Variants in ESYT2 observed in about 807,000 individuals in gnomAD.
ESYT2 encodes extended synaptotagmin-2.
ESYT2 carries 54 observed loss-of-function variants against 107.2 expected under a neutral mutation model. The ratio of observed to expected loss-of-function variants is 0.50; its 90% confidence interval spans 0.40 to 0.63. The LOEUF (loss-of-function observed/expected upper bound fraction) is 0.63, where lower values mean the gene tolerates loss of function less well. Among genes scored for constraint, ESYT2 ranks in the 30% least tolerant of loss-of-function variants. ESYT2 has a pLI of 0.00. For synonymous variants in ESYT2, 491 were observed against 434.1 expected (o/e 1.13, Z -1.63); for missense variants, 1,020 against 1,094.5 (o/e 0.93, Z 0.96).
At chr7:158,803,410 T>A (rs977787391) in intron 1 of ESYT2, among the ~76,000 whole-genome samples, 3 of 152,120 alleles carry the variant, frequency 2.0e-5, no homozygotes, top group Admixed American at 6.5e-5. Flanking sequence ...TACATCACAA[T>A]AGAAATCGGA....
At position 158,789,231 on chromosome 7, in the gene ESYT2, T is replaced by A. The variant is rs1839202223; in HGVS notation, c.585-814A>T. 2.0e-5 allele frequency among the ~76,000 whole-genome samples: 3 copies of A among 152,346 alleles called. No individual in the cohort carries two copies. In the South Asian group the frequency reaches 6.2e-4, roughly 32 times the overall value. ...TCTTCCAATATTTATTGTCCTGGTG[T>A]TAAAGCCAATACCTACAGATTCCTC... On this transcript the variant is annotated intron_variant, in intron 4 of 22. Coordinates refer to ENST00000275418, the MANE Select transcript of ESYT2 (RefSeq NM_001367773.1).
intron 6 of ESYT2, among the ~76,000 whole-genome samples, chr7:158,779,586 G>C (rs1170201819): frequency 6.6e-6 from 1 of 152,084 alleles, no homozygotes. Context: ...ATAAGCCAAG[G>C]ACAGAATGAA....
At chr7:158,744,190 T>C (rs1012146608) in intron 16 of ESYT2, 1 of 152,512 alleles carries the variant, frequency 6.6e-6, no homozygotes, top group Non-Finnish European at 1.5e-5. Flanking sequence ...ATGATTAACA[T>C]GGTATGAAAT....
intron 1 of ESYT2, among the ~76,000 whole-genome samples, chr7:158,826,820 A>AAAT (rs35561929): frequency 2.1e-3 from 2 of 966 alleles, no homozygotes; most frequent in Non-Finnish European, 6.8e-3. Context: ...ATTCCGTCTC[A>AAAT]AAAAAAAAAA....
At position 158,788,641 on chromosome 7, in the gene ESYT2, CTCAA is replaced by C. The variant is rs74631470; in HGVS notation, c.585-228_585-225del. Among the ~76,000 whole-genome samples the C allele has an allele frequency of 5.5e-3, 844 of 152,248 alleles. 42 individuals are homozygous for C. In the East Asian group the frequency reaches 0.12, roughly 21 times the overall value. On this transcript the variant is annotated intron_variant, in intron 4 of 22. Coordinates refer to ENST00000275418, the MANE Select transcript of ESYT2 (RefSeq NM_001367773.1). ...CTGCTATGACGTTGGGAGGAATACTCTCAATCAATCAATCAATGGCTGTGGTTGT... is the reference window on the plus strand; with the variant it reads ...CTGCTATGACGTTGGGAGGAATACTCTCAATCAATCAATGGCTGTGGTTGT...
chr7:158,756,858 G>A (rs1256513424), intron 13 of ESYT2, among the ~76,000 whole-genome samples: 2 of 146,580 alleles, frequency 1.4e-5, no homozygotes, highest in African/African-American at 2.6e-5. Flanking sequence ...GCAGTGAGCC[G>A]AGACCATGCC....
rs1403145541 is a variant in ESYT2 at position 158,734,016 on chromosome 7, A to C, written c.*191T>G. ...AGGAACTGGCGAAATCCTAGAGGAA[A>C]TCCAACACAGAAAATTCAATGATAA... is the stretch of plus-strand genomic sequence containing the variant. On this transcript the variant is annotated 3_prime_UTR_variant, in exon 23 of 23. Transcript: ENST00000275418. 1.4e-5 allele frequency: 9 copies of C among 652,384 alleles called. No homozygotes were observed. 40.4% of individuals were successfully genotyped at this position (652,384 alleles called of 1,614,324 possible). A position where few individuals can be genotyped will look rare whatever the true frequency, so the allele number is the denominator to read the frequency against.
At chr7:158,752,437 A>C (rs1462080630) in intron 14 of ESYT2, among the ~76,000 whole-genome samples, 1 of 152,232 alleles carries the variant, frequency 6.6e-6, no homozygotes, top group Non-Finnish European at 1.5e-5. Context: ...TTAAGTCATG[A>C]TTTAAACATC....
chr7:158,783,054 G>A (rs1280970009), intron 6 of ESYT2, among the ~76,000 whole-genome samples: 1 of 152,172 alleles, frequency 6.6e-6, no homozygotes, highest in Non-Finnish European at 1.5e-5. Context: ...GCCTCAGGAT[G>A]CTGGGAGCCT....
In ESYT2 at chr7:158,798,646, C is replaced by CAAAAAAAAAAA. The variant is rs57351086; in HGVS notation, c.372+374_372+384dup. ...GGGCAACAAGAGTGAAGCTCCGTCT[C>CAAAAAAAAAAA]AAAAAAAAAAAAAAAAAAAAAAAAA... On this transcript the variant is annotated intron_variant, in intron 2 of 22. Transcript: ENST00000275418. Among the ~76,000 whole-genome samples the CAAAAAAAAAAA allele has an allele frequency of 1.9e-3, 93 of 49,864 alleles. 4 individuals are homozygous for CAAAAAAAAAAA. Among genetic ancestry groups the CAAAAAAAAAAA allele is most frequent in the Non-Finnish European group, 2.6e-3 (78 of 30,506 alleles). The allele number at this position is 49,864 out of a possible 152,430, so 32.7% of individuals were successfully genotyped here. A position where few individuals can be genotyped will look rare whatever the true frequency, so the allele number is the denominator to read the frequency against.
At chr7:158,790,743 A>G (rs1839261610) in intron 4 of ESYT2, among the ~76,000 whole-genome samples, 4 of 152,148 alleles carry the variant, frequency 2.6e-5, no homozygotes, top group African/African-American at 9.7e-5. Flanking sequence ...CCTGGCCAAC[A>G]AGGTGGAAAC....
chr7:158,782,857 A>G (rs1838961876), intron 6 of ESYT2, among the ~76,000 whole-genome samples: 1 of 147,978 alleles, frequency 6.8e-6, no homozygotes, highest in South Asian at 2.1e-4. Context: ...AGAACAAGTG[A>G]GAGAGAACGA....
At chr7:158,737,235 C>T in intron 19 of ESYT2, 56 bp from the exon 20 acceptor site, 3 of 1,572,472 alleles carry the variant, frequency 1.9e-6, no homozygotes, top group Non-Finnish European at 2.6e-6. Flanking sequence ...AGAGAATGAG[C>T]AGCACATTCA....
intron 1 of ESYT2, among the ~76,000 whole-genome samples, chr7:158,825,283 A>C (rs1235742953): frequency 6.6e-6 from 1 of 152,154 alleles, no homozygotes; most frequent in Non-Finnish European, 1.5e-5. Flanking sequence ...ACAGAGTGAG[A>C]CTCCGTCTCA....
chr7:158,822,154 A>G (rs1167232130), intron 1 of ESYT2, among the ~76,000 whole-genome samples: 1 of 152,244 alleles, frequency 6.6e-6, no homozygotes, highest in Admixed American at 6.5e-5. Flanking sequence ...CGTCATGAAA[A>G]CTAAAAAAGA....
intron 1 of ESYT2, among the ~76,000 whole-genome samples, chr7:158,820,648 T>C (rs764750578): frequency 9.2e-5 from 14 of 152,014 alleles, no homozygotes; most frequent in Non-Finnish European, 2.9e-5. Context: ...TAGTGAGACG[T>C]GGTGGCGCAT....
At chr7:158,736,107 G>A (rs1021023269) in intron 20 of ESYT2, among the ~76,000 whole-genome samples, 8 of 152,238 alleles carry the variant, frequency 5.3e-5, no homozygotes, top group Non-Finnish European at 1.0e-4. Context: ...GCACTAAAGT[G>A]CCTGCAGGGC....
Position 158,738,305 on chromosome 7 carries a change from C to CT in ESYT2, c.2267+717dup, listed in dbSNP as rs1392442667. On this transcript the variant is annotated intron_variant, in intron 19 of 22. Transcript: ENST00000275418. The stretch of plus-strand genomic sequence containing the variant: ...CCAGCCTGGGGGACAAAGTAAAACT[C>CT]TGTCTCCAAAAAAAAAAAAAAATAC... Among the ~76,000 whole-genome samples, 3 of 123,458 alleles carry CT rather than the reference C, an allele frequency of 2.4e-5. No individual in the cohort carries two copies. The Admixed American group carries it at 2.5e-4, about 10-fold the overall frequency. The allele number at this position is 123,458 out of a possible 152,430, so 81.0% of individuals were successfully genotyped here. A position where few individuals can be genotyped will look rare whatever the true frequency, so the allele number is the denominator to read the frequency against.
At position 158,732,656 on chromosome 7, in the gene ESYT2, A is replaced by G. The variant is rs920634305; in HGVS notation, c.*1551T>C. On this transcript the variant is annotated 3_prime_UTR_variant, in exon 23 of 23. Coordinates refer to ENST00000275418, the MANE Select transcript of ESYT2 (RefSeq NM_001367773.1). The stretch of plus-strand genomic sequence containing the variant: ...AATTCAAACAAAATAAGAATCTGCT[A>G]GAAGGGAGGGTGGGTAGACGCCACC... The G allele has an allele frequency of 1.6e-4, 25 of 152,632 alleles. No homozygotes were observed. The highest frequency in any genetic ancestry group is 3.2e-4 in the Non-Finnish European group (22 of 68,032). The allele number at this position is 152,632 out of a possible 1,614,324, so 9.5% of individuals were successfully genotyped here.
Sources: gnomAD v4.1 joint callset for allele counts (sites outside exome capture counted in the v4.1 genomes callset) on GRCh38, gnomAD v4.1.1 for gene constraint, MANE v1.5 for transcripts, NCBI Gene and HGNC (gene_info 2026-07-23, HGNC 2026-07-21) for gene names.